The following DRC1 variants were observed in gnomAD, a reference collection of about 807,000 sequenced individuals.
The protein encoded by DRC1 is dynein regulatory complex subunit 1, also known as dynein regulatory complex protein 1.
In DRC1, 74 loss-of-function variants were observed where a neutral mutation model predicts 98.7. The ratio of observed to expected loss-of-function variants is 0.75; its 90% confidence interval spans 0.62 to 0.91. The LOEUF (loss-of-function observed/expected upper bound fraction) is 0.91. DRC1 is among the 40% of genes least tolerant of loss of function. The pLI is 0.00. For missense variants in DRC1, 875 were observed against 886.0 expected (o/e 0.99, Z 0.16); for synonymous variants, 336 against 334.1 (o/e 1.01, Z -0.06).
At chr2:26,422,046 A>C (rs1663161874) in intron 3 of DRC1, among the ~76,000 whole-genome samples, 1 of 152,214 alleles carries the variant, frequency 6.6e-6, no homozygotes, top group African/African-American at 2.4e-5. Flanking sequence ...AGTAACACAC[A>C]CAAGGAGGCC....
chr2:26,403,142 GT>G (rs1678306227), intron 1 of DRC1, among the ~76,000 whole-genome samples: 1 of 152,132 alleles, frequency 6.6e-6, no homozygotes, highest in Non-Finnish European at 1.5e-5. Flanking sequence ...TTTTAGAGCA[GT>G]TTTTAGGACC....
chr2:26,443,252 A>G (rs1663761753), intron 8 of DRC1, among the ~76,000 whole-genome samples: 1 of 152,184 alleles, frequency 6.6e-6, no homozygotes, highest in Admixed American at 6.5e-5. Flanking sequence ...TACTGTGTGA[A>G]TGGGGCACTG....
At chr2:26,429,810 C>T (rs1376077545) in intron 5 of DRC1, 45 bp downstream of exon 5, 14 of 1,605,940 alleles carry the variant, frequency 8.7e-6, no homozygotes, top group Non-Finnish European at 1.1e-5. Context: ...TGGAGGGCCC[C>T]TGGGAGGAGG....
intron 7 of DRC1, among the ~76,000 whole-genome samples, chr2:26,435,752 T>C (rs1161176777): frequency 7.3e-6 from 1 of 137,696 alleles, no homozygotes; most frequent in African/African-American, 3.0e-5. Context: ...ATTCTCATTC[T>C]TTTTTTTTTT....
rs142306235 is a variant in DRC1, at chr2:26,421,629, C to T, written c.356+229C>T. Among the ~76,000 whole-genome samples, 2,586 of 145,480 alleles carry T rather than the reference C, an allele frequency of 0.018. 49 individuals are homozygous for T. Among genetic ancestry groups the T allele is most frequent in the Middle Eastern group, 0.081 (22 of 270 alleles). On this transcript the variant is annotated intron_variant, in intron 3 of 16. Transcript: ENST00000288710. ...AGGCTGGAGTGCAATGACGTGATCTCGGCTCACCGCAACCTCCACCTCCCA... is the reference window on the plus strand; with the variant it reads ...AGGCTGGAGTGCAATGACGTGATCTTGGCTCACCGCAACCTCCACCTCCCA...
intron 7 of DRC1, among the ~76,000 whole-genome samples, chr2:26,440,031 A>G (rs1398405807): frequency 6.8e-5 from 10 of 147,066 alleles, no homozygotes; most frequent in Non-Finnish European, 1.5e-4. Flanking sequence ...AATTTTAGAT[A>G]TAATTCACAG....
At position 26,453,445 on chromosome 2, in the gene DRC1, G is replaced by A. The variant is rs748482443; in HGVS notation, c.1815G>A (p.Gly605=). Residue 605 remains glycine, a synonymous_variant, in exon 14 of 17, where the codon GGG becomes GGA. Transcript: ENST00000288710. The part of the protein sequence containing the change: ...EGEKEESLVE[G]EKEEEEETPP... ...AAAAGGAAGAAAGCCTGGTGGAAGG[G>A]GAGAAGGAGGAAGAGGAGGAGACCC... is the stretch of plus-strand genomic sequence containing the variant. The A allele has an allele frequency of 2.7e-5, 44 of 1,614,144 alleles. 1 individual carries two copies. The South Asian group carries it at 4.8e-4, about 18-fold the overall frequency.
At chr2:26,418,702 ATT>A in intron 2 of DRC1, among the ~76,000 whole-genome samples, 1 of 91,308 alleles carries the variant, frequency 1.1e-5, no homozygotes, top group Non-Finnish European at 2.0e-5. Context: ...TATAAATTAT[ATT>A]TAATTTATAT....
chr2:26,439,533 G>T (rs946746929), intron 7 of DRC1, among the ~76,000 whole-genome samples: 1 of 152,080 alleles, frequency 6.6e-6, no homozygotes, highest in African/African-American at 2.4e-5. Flanking sequence ...AAAAAGTAAG[G>T]ATGACTGTGT....
rs150385105 is a variant in DRC1 at position 26,453,322 on chromosome 2, C to T, written c.1692C>T (p.Ile564=). The change falls in exon 14 of 17, where the codon ATC becomes ATT. Residue 564 remains isoleucine (I), a splice_region_variant and synonymous_variant. Transcript: ENST00000288710. ...GTTGTCCGTGCATCTTTCTCCAGAT[C>T]AAGCCCTGCAGTCAGGCGAGCATGG... ...RAHRLSSSLQ[I]KPCSQASMEK... 1.0e-3 allele frequency: 1,663 copies of T among 1,614,124 alleles called. 13 individuals carry two copies. The highest frequency in any genetic ancestry group is 2.7e-4 in the Non-Finnish European group (316 of 1,180,012).
chr2:26,449,601 C>T (rs1031295281), intron 11 of DRC1, among the ~76,000 whole-genome samples: 4 of 152,258 alleles, frequency 2.6e-5, no homozygotes, highest in Non-Finnish European at 5.9e-5. Context: ...GCCTCCCTGT[C>T]CTGCTGCTGT....
chr2:26,428,968 T>G (rs936218928), intron 4 of DRC1, among the ~76,000 whole-genome samples: 1 of 152,132 alleles, frequency 6.6e-6, no homozygotes, highest in African/African-American at 2.4e-5. Context: ...GTAGATATGT[T>G]CTCGTGTTGG....
intron 1 of DRC1, among the ~76,000 whole-genome samples, chr2:26,412,897 C>G (rs1678664821): frequency 6.6e-6 from 1 of 152,188 alleles, no homozygotes; most frequent in Non-Finnish European, 1.5e-5. Context: ...ATTCTCCTGC[C>G]TCAGCCTCCC....
intron 11 of DRC1, among the ~76,000 whole-genome samples, chr2:26,449,529 C>A (rs185291772): frequency 1.5e-4 from 23 of 152,364 alleles, no homozygotes; most frequent in African/African-American, 5.5e-4. Context: ...TCTGCTCAGC[C>A]GCCCTCTCCC....
chr2:26,432,251 C>A (rs1173484871), intron 7 of DRC1, among the ~76,000 whole-genome samples: 1 of 152,162 alleles, frequency 6.6e-6, no homozygotes, highest in Admixed American at 6.5e-5. Flanking sequence ...AATCCCAGCA[C>A]TTTGGGAGGC....
rs193261093 is a variant in DRC1, at chr2:26,452,485, C to T, written c.1690-835C>T. On this transcript the variant is annotated intron_variant, in intron 13 of 16. Coordinates refer to ENST00000288710, the MANE Select transcript of DRC1 (RefSeq NM_145038.5). ...ATGTTGGCCAGGCTGCTCTCGAACT[C>T]CTGACCTCAAATGATCTGCCCACCT... Among the ~76,000 whole-genome samples, 326 of 152,298 alleles carry T rather than the reference C, an allele frequency of 2.1e-3. 1 individual carries two copies. The highest frequency in any genetic ancestry group is 3.8e-3 in the Non-Finnish European group (261 of 68,022).
chr2:26,427,389 T>C (rs1199897251), intron 4 of DRC1, among the ~76,000 whole-genome samples: 1 of 152,150 alleles, frequency 6.6e-6, no homozygotes, highest in East Asian at 1.9e-4. Flanking sequence ...GTGTTGGGAT[T>C]ACAGTTGTGA....
chr2:26,431,423 G>T (rs1663435199), intron 6 of DRC1, among the ~76,000 whole-genome samples: 1 of 152,084 alleles, frequency 6.6e-6, no homozygotes, highest in African/African-American at 2.4e-5. Flanking sequence ...TTTCCCCTCT[G>T]TTTACTGGGT....
At chr2:26,430,758 C>T in intron 5 of DRC1, 28 bp from the exon 6 acceptor site, 1 of 1,611,034 alleles carries the variant, frequency 6.2e-7, no homozygotes, top group Non-Finnish European at 8.5e-7. Context: ...AAAACAGATG[C>T]AAGAGTGTTT....
Sources: allele counts gnomAD v4.1 joint callset (sites outside exome capture counted in the v4.1 genomes callset), GRCh38; gene constraint gnomAD v4.1.1; transcripts MANE v1.5; gene names NCBI Gene and HGNC (gene_info 2026-07-23, HGNC 2026-07-21).